RUNX1: variants seen among roughly 807,000 people sequenced by gnomAD.
RUNX1 encodes the protein RUNX family transcription factor 1, also known as runt-related transcription factor 1.
In RUNX1, 19 loss-of-function variants were observed where a neutral mutation model predicts 42.8. The ratio of observed to expected loss-of-function variants is 0.44; its 90% CI spans 0.31 to 0.65. The LOEUF is 0.65. Among genes scored for constraint, RUNX1 ranks in the 30% least tolerant of loss-of-function variants. The probability of loss-of-function intolerance (pLI) is 0.07; values close to 1 mark genes in which losing one functional copy is unlikely to be tolerated. For missense variants in RUNX1, 528 were observed against 672.0 expected (o/e 0.79, Z 2.37); for synonymous variants, 271 against 289.4 (o/e 0.94, Z 0.64).
At position 34,788,387 on chromosome 21, in the gene RUNX1, GA is replaced by G. The variant is rs1025076112; in HGVS notation, c.*3747del. 3 of 232,210 alleles carry G rather than the reference GA, an allele frequency of 1.3e-5. No homozygotes were observed. The highest frequency in any genetic ancestry group is 2.5e-5 in the Non-Finnish European group (3 of 117,676). The allele number at this position is 232,210 out of a possible 1,614,324, so 14.4% of individuals were successfully genotyped here. On this transcript the variant is annotated 3_prime_UTR_variant, in exon 9 of 9. Coordinates refer to ENST00000675419, the MANE Select transcript of RUNX1 (RefSeq NM_001754.5). ...TTTTTTTGCACATTCATTTCCCCTA[GA>G]ACAAAAAAAGTGAACTTAAAAAAAA...
intron 2 of RUNX1, 149 bp downstream of exon 2, chr21:35,048,693 A>G (rs957362128): frequency 1.1e-5 from 8 of 760,682 alleles, no homozygotes; most frequent in African/African-American, 3.4e-5. Context: ...TAGACTTGTA[A>G]TCATATGCCT....
chr21:34,794,449 C>T (rs1262556052), intron 8 of RUNX1, among the ~76,000 whole-genome samples: 1 of 152,190 alleles, frequency 6.6e-6, no homozygotes, highest in Non-Finnish European at 1.5e-5. Context: ...CTCTATTATG[C>T]ACTTCACTAG....
chr21:35,031,082 C>T (rs1231357283), intron 2 of RUNX1, among the ~76,000 whole-genome samples: 1 of 152,222 alleles, frequency 6.6e-6, no homozygotes, highest in African/African-American at 2.4e-5. Flanking sequence ...GGTGCGGTGG[C>T]TCACGCCTGT....
chr21:34,819,805 C>T (rs1210685422), intron 7 of RUNX1, among the ~76,000 whole-genome samples: 2 of 152,192 alleles, frequency 1.3e-5, no homozygotes, highest in African/African-American at 2.4e-5. Context: ...CCTCGTATTC[C>T]CACAGCTGTG....
intron 2 of RUNX1, among the ~76,000 whole-genome samples, chr21:34,902,949 C>A (rs2058189075): frequency 6.6e-6 from 1 of 152,062 alleles, no homozygotes. Flanking sequence ...AAAAGAGGAC[C>A]CAGAATCAAC....
At chr21:34,925,530 C>A (rs1391467432) in intron 2 of RUNX1, among the ~76,000 whole-genome samples, 1 of 152,048 alleles carries the variant, frequency 6.6e-6, no homozygotes, top group African/African-American at 2.4e-5. Flanking sequence ...CAGTTACAAG[C>A]CAAGGAGTGT....
intron 2 of RUNX1, among the ~76,000 whole-genome samples, chr21:34,938,296 A>G (rs1308669571): frequency 1.3e-5 from 2 of 151,938 alleles, no homozygotes; most frequent in East Asian, 1.9e-4. Context: ...CAAGTAAGTG[A>G]CTCCTCCTCA....
At chr21:34,891,910 G>A (rs1423359456) in intron 3 of RUNX1, among the ~76,000 whole-genome samples, 1 of 152,110 alleles carries the variant, frequency 6.6e-6, no homozygotes, top group East Asian at 1.9e-4. Context: ...CAGTAACAGT[G>A]CATTGACGTT....
chr21:34,870,630 C>T (rs916954959), intron 5 of RUNX1, among the ~76,000 whole-genome samples: 9 of 152,204 alleles, frequency 5.9e-5, no homozygotes, highest in Non-Finnish European at 1.2e-4. Flanking sequence ...CCAGTAAAGT[C>T]CACGTGCTGA....
At chr21:34,889,120 C>G (rs1390843948) in intron 3 of RUNX1, among the ~76,000 whole-genome samples, 1 of 145,110 alleles carries the variant, frequency 6.9e-6, no homozygotes, top group African/African-American at 2.5e-5. Context: ...CCGCTGCAGG[C>G]AGGCGCAGTG....
chr21:35,013,988 G>C (rs961888449), intron 2 of RUNX1, among the ~76,000 whole-genome samples: 2 of 152,150 alleles, frequency 1.3e-5, no homozygotes, highest in Non-Finnish European at 2.9e-5. Flanking sequence ...CTTTGAGTAT[G>C]ATGCCAAATA....
chr21:34,794,096 T>C (rs530676948), intron 8 of RUNX1, among the ~76,000 whole-genome samples: 24 of 152,176 alleles, frequency 1.6e-4, no homozygotes, highest in Admixed American at 2.6e-4. Context: ...TAAATTAATC[T>C]GTGATATTAA....
chr21:34,932,940 T>C (rs2058458651), intron 2 of RUNX1, among the ~76,000 whole-genome samples: 1 of 152,238 alleles, frequency 6.6e-6, no homozygotes, highest in African/African-American at 2.4e-5. Context: ...TCTCTTCTTA[T>C]TGCATGTGCA....
At chr21:34,831,437 T>C (rs866815509) in intron 7 of RUNX1, among the ~76,000 whole-genome samples, 3 of 152,214 alleles carry the variant, frequency 2.0e-5, no homozygotes, top group Non-Finnish European at 4.4e-5. Context: ...TAAGTATTGG[T>C]GCTATTCTAT....
At chr21:34,993,496 C>CACA (rs1160336189) in intron 2 of RUNX1, among the ~76,000 whole-genome samples, 1,733 of 120,366 alleles carry the variant, frequency 0.014, 36 homozygotes, top group African/African-American at 0.061. Context: ...TTTGTTTGTC[C>CACA]CTACACACAC....
At chr21:34,912,406 G>A (rs962592008) in intron 2 of RUNX1, among the ~76,000 whole-genome samples, 3 of 151,886 alleles carry the variant, frequency 2.0e-5, no homozygotes, top group Non-Finnish European at 4.4e-5. Context: ...AGGTTGCTGC[G>A]GTCAACAACC....
chr21:34,842,167 C>T (rs2057246005), intron 6 of RUNX1, among the ~76,000 whole-genome samples: 1 of 152,078 alleles, frequency 6.6e-6, no homozygotes, highest in South Asian at 2.1e-4. Context: ...AGAAAAAATA[C>T]AATATCATAA....
chr21:34,861,326 AG>A (rs1466787772), intron 5 of RUNX1, among the ~76,000 whole-genome samples: 5 of 152,188 alleles, frequency 3.3e-5, no homozygotes, highest in African/African-American at 4.8e-5. Flanking sequence ...GCTGCCGCAG[AG>A]GGAGGCAGGT....
At chr21:34,801,980 A>AG (rs11420071) in intron 7 of RUNX1, among the ~76,000 whole-genome samples, 152,260 of 152,268 alleles carry the variant, frequency 1, 76,126 homozygotes, top group Non-Finnish European at 1. Context: ...TCACCTCCGA[A>AG]GGAGGTGATC....
Sources: gnomAD v4.1 joint callset for allele counts (sites outside exome capture counted in the v4.1 genomes callset) on GRCh38, gnomAD v4.1.1 for gene constraint, MANE v1.5 for transcripts, NCBI Gene and HGNC (gene_info 2026-07-23, HGNC 2026-07-21) for gene names.